Variants in OPCML observed in about 807,000 individuals in gnomAD.
The protein encoded by OPCML is opioid-binding protein/cell adhesion molecule.
A neutral mutation model predicts 37.8 loss-of-function variants in OPCML; 13 were observed. The ratio of observed to expected loss-of-function variants is 0.34; its 90% CI spans 0.22 to 0.55. OPCML has a LOEUF of 0.55. Ranked by LOEUF, OPCML falls within the 20% of genes least tolerant of loss-of-function variation. OPCML has a pLI of 0.91. For missense variants in OPCML, 341 were observed against 435.6 expected (o/e 0.78, Z 1.93); for synonymous variants, 176 against 168.8 (o/e 1.04, Z -0.33).
intron 3 of OPCML, among the ~76,000 whole-genome samples, chr11:132,629,101 C>T (rs1422804359): frequency 1.3e-5 from 2 of 152,150 alleles, no homozygotes; most frequent in Non-Finnish European, 2.9e-5. Context: ...CTGCTCTTTC[C>T]TTCCCATGGA....
chr11:132,444,670 C>G (rs1200236069), intron 4 of OPCML, among the ~76,000 whole-genome samples: 1 of 152,140 alleles, frequency 6.6e-6, no homozygotes, highest in Admixed American at 6.5e-5. Context: ...CTCTCCCTCT[C>G]CTATTTAATC....
intron 1 of OPCML, among the ~76,000 whole-genome samples, chr11:133,271,146 C>A (rs1358757351): frequency 1.3e-5 from 2 of 152,138 alleles, no homozygotes; most frequent in East Asian, 1.9e-4. Context: ...ACCCTTTGTG[C>A]GTCTAAATTC....
chr11:132,597,658 T>A (rs1489117096), intron 3 of OPCML, among the ~76,000 whole-genome samples: 1 of 152,154 alleles, frequency 6.6e-6, no homozygotes, highest in Non-Finnish European at 1.5e-5. Context: ...GTGACAATTG[T>A]GATGGTAAAT....
At chr11:132,656,198 T>A (rs1231849938) in intron 3 of OPCML, among the ~76,000 whole-genome samples, 6 of 152,118 alleles carry the variant, frequency 3.9e-5, no homozygotes, top group Non-Finnish European at 8.8e-5. Context: ...TGGCTTTACA[T>A]GGTGATGATA....
chr11:132,946,816 T>C (rs1273642512), intron 1 of OPCML, among the ~76,000 whole-genome samples: 2 of 152,220 alleles, frequency 1.3e-5, no homozygotes, highest in South Asian at 2.1e-4. Context: ...TCATGACACA[T>C]GTCTTTTCTC....
At chr11:132,517,760 C>T (rs2096283314) in intron 4 of OPCML, among the ~76,000 whole-genome samples, 1 of 152,116 alleles carries the variant, frequency 6.6e-6, no homozygotes. Context: ...TTTTCATTTG[C>T]TATGATACAT....
At chr11:133,345,454 T>C (rs1260099226) in intron 1 of OPCML, among the ~76,000 whole-genome samples, 1 of 152,220 alleles carries the variant, frequency 6.6e-6, no homozygotes, top group Admixed American at 6.5e-5. Context: ...TCCTTTGTAC[T>C]GAATAATCTT....
chr11:133,282,004 T>G (rs1592164271), intron 1 of OPCML, among the ~76,000 whole-genome samples: 1 of 151,556 alleles, frequency 6.6e-6, no homozygotes, highest in Admixed American at 6.6e-5. Flanking sequence ...TAGAATCAGG[T>G]TTGGGAACAA....
chr11:132,839,662 C>T (rs1057457635), intron 2 of OPCML, among the ~76,000 whole-genome samples: 1 of 152,140 alleles, frequency 6.6e-6, no homozygotes, highest in Non-Finnish European at 1.5e-5. Context: ...ATCTGAAATC[C>T]TTCCTCCACT....
At chr11:132,676,801 A>G (rs1350626374) in intron 2 of OPCML, among the ~76,000 whole-genome samples, 4 of 151,214 alleles carry the variant, frequency 2.6e-5, no homozygotes, top group East Asian at 1.9e-4. Flanking sequence ...AAAAAAAAAA[A>G]AAAGAAAGAA....
At chr11:132,960,406 T>C (rs2136719513) in intron 1 of OPCML, among the ~76,000 whole-genome samples, 1 of 152,228 alleles carries the variant, frequency 6.6e-6, no homozygotes, top group Admixed American at 6.5e-5. Flanking sequence ...ACAACTGTTG[T>C]GGTGGAAGCA....
intron 4 of OPCML, among the ~76,000 whole-genome samples, chr11:132,478,519 T>G (rs2096165552): frequency 6.6e-6 from 1 of 152,194 alleles, no homozygotes; most frequent in Non-Finnish European, 1.5e-5. Flanking sequence ...ATCAAAGATC[T>G]TCTTGTTCTA....
chr11:133,422,925 C>A, intron 1 of OPCML: 34 of 984,288 alleles, frequency 3.5e-5, no homozygotes, highest in Non-Finnish European at 3.9e-5. Context: ...TAGCTGGTAG[C>A]AGAACTGGGG....
At chr11:132,427,846 T>A (rs780775451) in intron 7 of OPCML, among the ~76,000 whole-genome samples, 8 of 152,146 alleles carry the variant, frequency 5.3e-5, no homozygotes, top group Non-Finnish European at 1.0e-4. Flanking sequence ...AGGAACCTCA[T>A]CAAGAATGAA....
intron 4 of OPCML, among the ~76,000 whole-genome samples, chr11:132,441,386 T>A (rs1307848120): frequency 1.3e-5 from 2 of 151,638 alleles, no homozygotes; most frequent in Non-Finnish European, 2.9e-5. Flanking sequence ...GCCGGGATGG[T>A]CTCGATCTCC....
chr11:133,231,954 GCAA>G, intron 1 of OPCML, among the ~76,000 whole-genome samples: 2 of 55,018 alleles, frequency 3.6e-5, no homozygotes, highest in South Asian at 2.3e-3. Context: ...ACAAGGAAGG[GCAA>G]TGGACACATG....
chr11:133,099,295 C>A (rs1949050753), intron 1 of OPCML, among the ~76,000 whole-genome samples: 1 of 151,298 alleles, frequency 6.6e-6, no homozygotes, highest in Admixed American at 6.6e-5. Flanking sequence ...CAGAGTCTTG[C>A]TCTGTCGCCC....
chr11:132,714,033 A>G (rs1181398349), intron 2 of OPCML, among the ~76,000 whole-genome samples: 3 of 152,252 alleles, frequency 2.0e-5, no homozygotes, highest in African/African-American at 4.8e-5. Flanking sequence ...TTATTACATA[A>G]AAATTTGAAA....
chr11:132,417,006 T>C lies in OPCML; in HGVS notation c.*3187A>G, dbSNP rs2095940989. The C allele has an allele frequency of 6.6e-6, 1 of 152,570 alleles. No individual in the cohort carries two copies. The highest frequency in any genetic ancestry group is 2.4e-5 in the African/African-American group (1 of 41,424). The allele number at this position is 152,570 out of a possible 1,614,324, so 9.5% of individuals were successfully genotyped here. A position where few individuals can be genotyped will look rare whatever the true frequency, so the allele number is the denominator to read the frequency against. Reference sequence around the variant, plus strand: ...GGGGAAGGGTTTCAGAGTCCCTACATTGCTAATTCCTCTCACCTAATCTCC... The same window carrying C: ...GGGGAAGGGTTTCAGAGTCCCTACACTGCTAATTCCTCTCACCTAATCTCC... On this transcript the variant is annotated 3_prime_UTR_variant, in exon 8 of 8. Transcript: ENST00000524381.
Sources: gnomAD v4.1 joint callset for allele counts (sites outside exome capture counted in the v4.1 genomes callset) on GRCh38, gnomAD v4.1.1 for gene constraint, MANE v1.5 for transcripts, NCBI Gene and HGNC (gene_info 2026-07-23, HGNC 2026-07-21) for gene names.